GRIA4: variants seen among roughly 807,000 people sequenced by gnomAD.
GRIA4 encodes glutamate receptor 4.
Under a neutral mutation model 104.0 loss-of-function variants are expected in GRIA4, and 34 were observed. That is an observed-to-expected ratio of 0.33 (90% confidence interval 0.25 to 0.44). GRIA4 has a LOEUF of 0.44. GRIA4 is among the 20% of genes least tolerant of loss of function. The pLI is 1.00. For synonymous variants in GRIA4, 386 were observed against 381.9 expected, an observed-to-expected ratio of 1.01 and a Z score of -0.13; for missense variants, 750 against 1,096.5, an observed-to-expected ratio of 0.68 and a Z score of 4.46.
chr11:105,977,407 A>T (rs645905), intron 16 of GRIA4, among the ~76,000 whole-genome samples: 1 of 151,580 alleles, frequency 6.6e-6, no homozygotes, highest in Non-Finnish European at 1.5e-5. Context: ...AGATGGGCTA[A>T]TACATTGGTT....
intron 3 of GRIA4, among the ~76,000 whole-genome samples, chr11:105,725,917 C>T (rs774596822): frequency 1.5e-4 from 23 of 152,118 alleles, no homozygotes; most frequent in Non-Finnish European, 3.1e-4. Context: ...GAGATTCCCT[C>T]GGGTGCCTAC....
rs1946721310 is a variant in GRIA4, at chr11:105,898,123, CAT to C, written c.727-145_727-144del. 4 of 473,844 alleles carry C rather than the reference CAT, an allele frequency of 8.4e-6. No homozygotes were observed. In the Admixed American group the frequency reaches 1.6e-4, roughly 19 times the overall value. 29.4% of individuals were successfully genotyped at this position (473,844 alleles called of 1,614,324 possible). On this transcript the variant is annotated intron_variant, in intron 6 of 16. Coordinates refer to ENST00000282499, the MANE Select transcript of GRIA4 (RefSeq NM_000829.4). ...TAAATAGACATAATTAGATTTTCCACATCTTTTATTATCATTTTCCACATTTT... is the reference window on the plus strand; with the variant it reads ...TAAATAGACATAATTAGATTTTCCACCTTTTATTATCATTTTCCACATTTT...
rs541715235 is a variant in GRIA4, at chr11:105,974,719, T to G, written c.2544+275T>G. On this transcript the variant is annotated intron_variant, in intron 16 of 16. Transcript: ENST00000282499. ...CGGTTTTCTTTGGCTGCAGATGTACTGTTTGAAACTTTATGTTGCCAATAG... is the reference window on the plus strand; with the variant it reads ...CGGTTTTCTTTGGCTGCAGATGTACGGTTTGAAACTTTATGTTGCCAATAG... 2.1e-5 allele frequency: 13 copies of G among 617,914 alleles called. No individual in the cohort carries two copies. The African/African-American group carries it at 2.4e-4, about 11-fold the overall frequency. 38.3% of individuals were successfully genotyped at this position (617,914 alleles called of 1,614,324 possible).
intron 3 of GRIA4, among the ~76,000 whole-genome samples, chr11:105,660,692 T>C (rs1304336809): frequency 2.6e-5 from 4 of 151,470 alleles, no homozygotes; most frequent in Admixed American, 6.6e-5. Context: ...ACACATAATG[T>C]AATATTAAAC....
intron 3 of GRIA4, among the ~76,000 whole-genome samples, chr11:105,620,206 C>T (rs567102212): frequency 9.2e-5 from 14 of 151,978 alleles, no homozygotes; most frequent in African/African-American, 2.6e-4. Context: ...CAGGATTTGA[C>T]ATTGCTGACA....
chr11:105,758,871 T>A (rs934075796), intron 4 of GRIA4, among the ~76,000 whole-genome samples: 3 of 152,142 alleles, frequency 2.0e-5, no homozygotes, highest in African/African-American at 7.2e-5. Flanking sequence ...TATTTTGATG[T>A]TAAATGGAAA....
intron 14 of GRIA4, among the ~76,000 whole-genome samples, chr11:105,950,541 T>A (rs1204172937): frequency 5.2e-5 from 6 of 114,356 alleles, no homozygotes. Flanking sequence ...ATAAGAACTT[T>A]GTATGTATGA....
chr11:105,760,899 G>T (rs929126876), intron 4 of GRIA4, among the ~76,000 whole-genome samples: 1 of 151,904 alleles, frequency 6.6e-6, no homozygotes, highest in African/African-American at 2.4e-5. Flanking sequence ...ATTTCATAGG[G>T]CTTTAGAAGA....
At chr11:105,768,304 TA>T (rs574902745) in intron 4 of GRIA4, among the ~76,000 whole-genome samples, 13 of 150,920 alleles carry the variant, frequency 8.6e-5, no homozygotes, top group East Asian at 1.9e-4. Flanking sequence ...AGCTATCTTC[TA>T]AAAAAAAACA....
intron 3 of GRIA4, among the ~76,000 whole-genome samples, chr11:105,659,173 T>A (rs1951933444): frequency 6.6e-6 from 1 of 151,938 alleles, no homozygotes; most frequent in Non-Finnish European, 1.5e-5. Flanking sequence ...CTGCGGGGAT[T>A]GTCACCCAAA....
intron 3 of GRIA4, among the ~76,000 whole-genome samples, chr11:105,741,546 G>T (rs1236519932): frequency 2.0e-5 from 3 of 152,146 alleles, no homozygotes; most frequent in African/African-American, 7.2e-5. Flanking sequence ...AGGTAAGAGG[G>T]AACTCTGGAA....
At chr11:105,763,361 T>G (rs1338168871) in intron 4 of GRIA4, among the ~76,000 whole-genome samples, 4 of 152,202 alleles carry the variant, frequency 2.6e-5, no homozygotes, top group Non-Finnish European at 5.9e-5. Flanking sequence ...TTCACTAAGA[T>G]GTCATTAGCG....
intron 5 of GRIA4, among the ~76,000 whole-genome samples, chr11:105,872,218 T>A (rs937714510): frequency 1.3e-5 from 2 of 152,154 alleles, no homozygotes; most frequent in African/African-American, 2.4e-5. Context: ...CACTTCTTTA[T>A]AATTTATTTG....
intron 3 of GRIA4, among the ~76,000 whole-genome samples, chr11:105,703,090 G>GA (rs1423808721): frequency 6.6e-6 from 1 of 152,066 alleles, no homozygotes; most frequent in African/African-American, 2.4e-5. Context: ...TTTAAAGTAA[G>GA]AAAAATCAAC....
intron 3 of GRIA4, among the ~76,000 whole-genome samples, chr11:105,657,700 T>C (rs951895089): frequency 1.3e-5 from 2 of 151,992 alleles, no homozygotes; most frequent in Non-Finnish European, 2.9e-5. Flanking sequence ...ACAACACTTT[T>C]CAGGTTCATA....
At chr11:105,804,317 T>C (rs967134035) in intron 4 of GRIA4, among the ~76,000 whole-genome samples, 3 of 150,826 alleles carry the variant, frequency 2.0e-5, no homozygotes, top group Non-Finnish European at 3.0e-5. Context: ...CATCAAATGT[T>C]CTTGCTTCCA....
intron 11 of GRIA4, among the ~76,000 whole-genome samples, chr11:105,923,974 GAAT>G (rs1947638423): frequency 6.6e-6 from 1 of 152,084 alleles, no homozygotes; most frequent in Admixed American, 6.6e-5. Flanking sequence ...GCCAAGTAAT[GAAT>G]CAGTGGCAAT....
rs774835664 is a variant in GRIA4 at position 105,898,253 on chromosome 11, G to A, written c.727-16G>A. On this transcript the variant is annotated splice_polypyrimidine_tract_variant and intron_variant, in intron 6 of 16. Transcript: ENST00000282499. Reference sequence around the variant, plus strand: ...AATAAACTAAATTTAACAATCTTTTGTATTAATTTTTATAGGGATTCAAGG... The same window carrying A: ...AATAAACTAAATTTAACAATCTTTTATATTAATTTTTATAGGGATTCAAGG... 9 of 1,341,978 alleles carry A rather than the reference G, an allele frequency of 6.7e-6. No homozygotes were observed. In the East Asian group the frequency reaches 1.9e-4, roughly 28 times the overall value. The allele number at this position is 1,341,978 out of a possible 1,614,324, so 83.1% of individuals were successfully genotyped here.
chr11:105,757,920 T>G (rs190887853), intron 4 of GRIA4, among the ~76,000 whole-genome samples: 24 of 152,314 alleles, frequency 1.6e-4, no homozygotes, highest in African/African-American at 5.5e-4. Context: ...GTGATCATTT[T>G]AATGAATTTT....
Sources: allele counts gnomAD v4.1 joint callset (sites outside exome capture counted in the v4.1 genomes callset), GRCh38; gene constraint gnomAD v4.1.1; transcripts MANE v1.5; gene names NCBI Gene and HGNC (gene_info 2026-07-23, HGNC 2026-07-21).